Variants in DENND2C observed in about 807,000 individuals in gnomAD.
DENND2C encodes the protein DENN domain containing 2C, also known as DENN domain-containing protein 2C.
DENND2C carries 72 observed loss-of-function variants against 112.4 expected under a neutral mutation model. That is an observed-to-expected ratio of 0.64 (90% CI 0.53 to 0.78). DENND2C has a LOEUF of 0.78. Among genes scored for constraint, DENND2C ranks in the 30% least tolerant of loss-of-function variants. The pLI, the probability that DENND2C is intolerant of heterozygous loss-of-function variation, is 0.00. For missense variants in DENND2C, 992 were observed against 1,113.8 expected (o/e 0.89, Z 1.56); for synonymous variants, 329 against 381.6 (o/e 0.86, Z 1.61).
chr1:114,593,885 C>A (rs772400493), intron 18 of DENND2C, among the ~76,000 whole-genome samples: 1 of 152,162 alleles, frequency 6.6e-6, no homozygotes, highest in African/African-American at 2.4e-5. Context: ...AATAATGATA[C>A]CTGCTTCATA....
Position 114,625,385 on chromosome 1 carries a change from C to T in DENND2C, c.600G>A (p.Gly200=). 6.2e-7 allele frequency: 1 copy of T among 1,614,102 alleles called. No homozygotes were observed. Among genetic ancestry groups the T allele is most frequent in the Non-Finnish European group, 8.5e-7 (1 of 1,180,010 alleles). ...SLENIYSEPE[G]QECGPSINPL... is the part of the protein sequence containing the mutation. ...GATTTATGGAAGGTCCACATTCTTG[C>T]CCCTCAGGTTCAGAGTAAATATTTT... The change falls in exon 4 of 21, where the codon GGG becomes GGA. Residue 200 remains glycine (G), a synonymous_variant. Transcript: ENST00000393274.
At chr1:114,585,778 A>G in intron 20 of DENND2C, 147 bp from the exon 21 acceptor site, 1 of 720,540 alleles carries the variant, frequency 1.4e-6, no homozygotes, top group Non-Finnish European at 2.3e-6. Context: ...TTAACCCCCA[A>G]AACAAAAACA....
chr1:114,606,174 A>T (rs1028015641), intron 10 of DENND2C, among the ~76,000 whole-genome samples: 2 of 152,158 alleles, frequency 1.3e-5, no homozygotes, highest in African/African-American at 4.8e-5. Flanking sequence ...CAGCTGGCCA[A>T]CTAGCTGGGA....
chr1:114,664,214 A>G (rs938446106), intron 1 of DENND2C, among the ~76,000 whole-genome samples: 1 of 152,102 alleles, frequency 6.6e-6, no homozygotes, highest in Non-Finnish European at 1.5e-5. Flanking sequence ...TGCTGATTAT[A>G]GGCATGGGGA....
chr1:114,669,052 CTT>C (rs1657719754), intron 1 of DENND2C, among the ~76,000 whole-genome samples: 1 of 152,140 alleles, frequency 6.6e-6, no homozygotes, highest in Non-Finnish European at 1.5e-5. Flanking sequence ...ATGGGGGTCA[CTT>C]TGTGGGAAAA....
At chr1:114,604,670 T>C (rs1478901156) in intron 11 of DENND2C, among the ~76,000 whole-genome samples, 1 of 152,044 alleles carries the variant, frequency 6.6e-6, no homozygotes, top group Non-Finnish European at 1.5e-5. Context: ...TTTTTTTTTT[T>C]TTTGTAGAAC....
rs200716799 is a variant in DENND2C, at chr1:114,608,870, C to T, written c.1373G>A (p.Arg458His). 32 of 1,613,872 alleles carry T rather than the reference C, an allele frequency of 2.0e-5. No individual in the cohort carries two copies. Among genetic ancestry groups the T allele is most frequent in the East Asian group, 1.1e-4 (5 of 44,902 alleles). The stretch of plus-strand genomic sequence containing the variant: ...TTGCAGTTGTGCTAAGCGTTTATGG[C>T]GATCTGTAATGAAATCATGGAGAAA... ...ESDAEYLPKN[R>H]HKRLAQLQPS... The change falls in exon 10 of 21, where the codon CGC becomes CAC. Residue 458 changes from arginine to histidine, a missense_variant. By Grantham distance (29) the Arg-to-His change is conservative (BLOSUM62 0). Around this residue, in one of 3 missense-constraint regions of DENND2C, gnomAD observed 516 missense variants for 623.6 expected, o/e 0.83. Coordinates refer to ENST00000393274, the MANE Select transcript of DENND2C (RefSeq NM_001256404.2).
In DENND2C at chr1:114,642,225, A is replaced by G. The variant is rs554522475; in HGVS notation, c.-205+3223T>C. On this transcript the variant is annotated intron_variant, in intron 3 of 20. Coordinates refer to ENST00000393274, the MANE Select transcript of DENND2C (RefSeq NM_001256404.2). ...CTCGGCCTCCCAAAGTGCTAGGATT[A>G]CAGGTGTGAGCCACCGCGCCCAGCT... is the stretch of plus-strand genomic sequence containing the variant. Among the ~76,000 whole-genome samples, 368 of 152,222 alleles carry G rather than the reference A, an allele frequency of 2.4e-3. 1 individual carries two copies. Among genetic ancestry groups the G allele is most frequent in the Non-Finnish European group, 4.4e-3 (299 of 68,036 alleles).
intron 7 of DENND2C, among the ~76,000 whole-genome samples, chr1:114,620,466 C>T (rs1656134245): frequency 6.6e-6 from 1 of 152,160 alleles, no homozygotes; most frequent in Non-Finnish European, 1.5e-5. Flanking sequence ...TTCCCTGGGT[C>T]TCATTAAACT....
At chr1:114,627,232 T>C (rs1656368454) in intron 3 of DENND2C, among the ~76,000 whole-genome samples, 1 of 152,202 alleles carries the variant, frequency 6.6e-6, no homozygotes, top group Non-Finnish European at 1.5e-5. Flanking sequence ...TTTCCTTATA[T>C]GTAAGCTTCA....
At chr1:114,623,867 C>G (rs781359891) in intron 4 of DENND2C, among the ~76,000 whole-genome samples, 1 of 152,090 alleles carries the variant, frequency 6.6e-6, no homozygotes, top group Non-Finnish European at 1.5e-5. Context: ...GGATGTTGCA[C>G]CTGGGATTAG....
chr1:114,639,476 G>T, intron 3 of DENND2C, among the ~76,000 whole-genome samples: 1 of 151,734 alleles, frequency 6.6e-6, no homozygotes, highest in Non-Finnish European at 1.5e-5. Context: ...CAGCTATTTG[G>T]GAGGCTGAGG....
At chr1:114,626,507 A>ATTT (rs1280052528) in intron 3 of DENND2C, among the ~76,000 whole-genome samples, 1 of 130,762 alleles carries the variant, frequency 7.6e-6, no homozygotes, top group African/African-American at 3.0e-5. Context: ...TAATAAATTA[A>ATTT]TTCTTTTTTT....
intron 4 of DENND2C, among the ~76,000 whole-genome samples, chr1:114,624,781 C>T (rs911222834): frequency 4.6e-5 from 7 of 151,580 alleles, no homozygotes; most frequent in African/African-American, 1.7e-4. Context: ...ACCACCACGC[C>T]CAGCTAATTT....
At chr1:114,605,635 T>C (rs1169202303) in intron 10 of DENND2C, among the ~76,000 whole-genome samples, 4 of 152,016 alleles carry the variant, frequency 2.6e-5, no homozygotes, top group African/African-American at 9.7e-5. Context: ...CTACAAAAAA[T>C]AGAAAAGTTA....
chr1:114,653,637 C>T (rs973438764), intron 2 of DENND2C, among the ~76,000 whole-genome samples: 3 of 151,998 alleles, frequency 2.0e-5, no homozygotes, highest in East Asian at 3.9e-4. Context: ...AATGATTAAA[C>T]GTTTTGTGTT....
At chr1:114,656,838 A>G (rs1570815030) in intron 1 of DENND2C, among the ~76,000 whole-genome samples, 1 of 147,000 alleles carries the variant, frequency 6.8e-6, no homozygotes, top group Middle Eastern at 3.9e-3. Flanking sequence ...TGCAACCTCC[A>G]CCTCCTGGGT....
chr1:114,609,281 C>T (rs191710347), intron 9 of DENND2C, among the ~76,000 whole-genome samples: 28 of 152,286 alleles, frequency 1.8e-4, no homozygotes, highest in African/African-American at 5.5e-4. Flanking sequence ...CCAGGTGGCA[C>T]GGGGCAGGGG....
chr1:114,594,895 G>C (rs777843783), intron 17 of DENND2C, among the ~76,000 whole-genome samples: 30 of 152,258 alleles, frequency 2.0e-4, no homozygotes, highest in Non-Finnish European at 3.5e-4. Flanking sequence ...AATTGATTCT[G>C]AAAATGTCCT....
Sources: gnomAD v4.1 joint callset for allele counts (sites outside exome capture counted in the v4.1 genomes callset) on GRCh38, gnomAD v4.1.1 for gene constraint, gnomAD v4.1.1 regional missense constraint, MANE v1.5 for transcripts, NCBI Gene and HGNC (gene_info 2026-07-23, HGNC 2026-07-21) for gene names.